The following LRFN2 variants were observed in gnomAD, a reference collection of about 807,000 sequenced individuals.
LRFN2 encodes leucine rich repeat and fibronectin type III domain containing 2.
LRFN2 carries 18 observed loss-of-function variants against 37.3 expected under a neutral mutation model. The ratio of observed to expected loss-of-function variants is 0.48; its 90% CI spans 0.33 to 0.72. The LOEUF is 0.72. LRFN2 is among the 30% of genes least tolerant of loss of function. The probability of loss-of-function intolerance (pLI) is 0.02; values close to 1 mark genes in which losing one functional copy is unlikely to be tolerated. For missense variants in LRFN2, 1,006 were observed against 1,060.7 expected (o/e 0.95, Z 0.72); for synonymous variants, 556 against 466.6 (o/e 1.19, Z -2.47).
chr6:40,555,623 T>C (rs1766860587), intron 1 of LRFN2, among the ~76,000 whole-genome samples: 1 of 152,060 alleles, frequency 6.6e-6, no homozygotes, highest in African/African-American at 2.4e-5. Context: ...CAGCCCCACA[T>C]CCTTGCTTGC....
chr6:40,514,904 C>T (rs534968402), intron 1 of LRFN2, among the ~76,000 whole-genome samples: 29 of 152,290 alleles, frequency 1.9e-4, no homozygotes, highest in African/African-American at 7.0e-4. Flanking sequence ...AGCACCCCCT[C>T]TTATGCTGCC....
At chr6:40,443,231 A>G (rs1306497706) in intron 1 of LRFN2, among the ~76,000 whole-genome samples, 1 of 152,180 alleles carries the variant, frequency 6.6e-6, no homozygotes, top group Non-Finnish European at 1.5e-5. Flanking sequence ...ATAGGAAACC[A>G]AGATACACAG....
chr6:40,518,788 G>T (rs994689123), intron 1 of LRFN2, among the ~76,000 whole-genome samples: 4 of 152,176 alleles, frequency 2.6e-5, no homozygotes, highest in Non-Finnish European at 5.9e-5. Flanking sequence ...CATGGCTTCT[G>T]CCCTGGAAGG....
intron 1 of LRFN2, among the ~76,000 whole-genome samples, chr6:40,531,106 C>A (rs576513073): frequency 1.3e-5 from 2 of 152,194 alleles, no homozygotes; most frequent in Non-Finnish European, 2.9e-5. Flanking sequence ...CAAAACTCAT[C>A]CCTCATGCTC....
chr6:40,566,428 T>C (rs1386143397), intron 1 of LRFN2, among the ~76,000 whole-genome samples: 4 of 152,218 alleles, frequency 2.6e-5, no homozygotes, highest in Non-Finnish European at 5.9e-5. Context: ...TAAAGACACA[T>C]GCACACGTAT....
chr6:40,410,502 C>T (rs1032522078), intron 2 of LRFN2, among the ~76,000 whole-genome samples: 6 of 152,112 alleles, frequency 3.9e-5, no homozygotes, highest in Non-Finnish European at 7.3e-5. Flanking sequence ...CTTAACTTTC[C>T]GTAGCTTTTG....
intron 1 of LRFN2, among the ~76,000 whole-genome samples, chr6:40,586,131 C>T (rs1193770367): frequency 6.6e-6 from 1 of 152,148 alleles, no homozygotes; most frequent in African/African-American, 2.4e-5. Flanking sequence ...TTGTACCGGG[C>T]TGATGGGAAG....
Position 40,405,509 on chromosome 6 carries a change from C to T in LRFN2, c.1401-12597G>A, listed in dbSNP as rs537178606. Among the ~76,000 whole-genome samples the T allele has an allele frequency of 1.2e-4, 18 of 152,268 alleles. No homozygotes were observed. The South Asian group carries it at 2.1e-3, about 18-fold the overall frequency. ...TCAGTGCCCGGCACAGAGTAAGCCC[C>T]GCATGAGGGTCTGTTACATAAAGGA... On this transcript the variant is annotated intron_variant, in intron 2 of 2. Transcript: ENST00000338305.
intron 1 of LRFN2, chr6:40,523,687 A>G (rs116061515): frequency 0.016 from 2,437 of 152,240 alleles, 22 homozygotes; most frequent in Non-Finnish European, 0.023. Context: ...AAGTTCTATC[A>G]TTGGCCCTGT....
At chr6:40,527,260 C>A (rs1470443290) in intron 1 of LRFN2, among the ~76,000 whole-genome samples, 2 of 152,202 alleles carry the variant, frequency 1.3e-5, no homozygotes, top group Admixed American at 1.3e-4. Context: ...CCTTCTCTAA[C>A]AATGCATTCC....
intron 1 of LRFN2, among the ~76,000 whole-genome samples, chr6:40,543,713 G>A (rs1017339804): frequency 6.6e-6 from 1 of 152,224 alleles, no homozygotes; most frequent in Non-Finnish European, 1.5e-5. Flanking sequence ...GGCACTGGGG[G>A]CTTCCCTTGC....
chr6:40,570,334 T>G (rs954729763), intron 1 of LRFN2, among the ~76,000 whole-genome samples: 1 of 152,182 alleles, frequency 6.6e-6, no homozygotes, highest in Admixed American at 6.5e-5. Context: ...CTAAGTGCTT[T>G]ACATATATTA....
chr6:40,469,894 C>G (rs1381698599), intron 1 of LRFN2, among the ~76,000 whole-genome samples: 1 of 152,226 alleles, frequency 6.6e-6, no homozygotes, highest in African/African-American at 2.4e-5. Context: ...TGTAAACCAT[C>G]ACTTTACTCA....
chr6:40,449,712 T>G (rs1764058416), intron 1 of LRFN2, among the ~76,000 whole-genome samples: 1 of 152,232 alleles, frequency 6.6e-6, no homozygotes, highest in African/African-American at 2.4e-5. Context: ...CTGTTTTAAA[T>G]AGTTTAAGAC....
intron 2 of LRFN2, among the ~76,000 whole-genome samples, chr6:40,402,789 C>T (rs1198814321): frequency 6.6e-6 from 1 of 152,220 alleles, no homozygotes; most frequent in Non-Finnish European, 1.5e-5. Context: ...GTTAACTGAA[C>T]TGCCCTGGGC....
intron 1 of LRFN2, among the ~76,000 whole-genome samples, chr6:40,563,968 C>A (rs963316938): frequency 4.6e-5 from 7 of 152,196 alleles, no homozygotes; most frequent in Admixed American, 3.3e-4. Flanking sequence ...CACTTACCAA[C>A]CGTGGTCCAG....
intron 1 of LRFN2, among the ~76,000 whole-genome samples, chr6:40,435,068 G>T (rs1285176518): frequency 2.4e-4 from 32 of 134,838 alleles, no homozygotes; most frequent in African/African-American, 8.1e-4. Flanking sequence ...GAGAGAGAGA[G>T]AGAGAGAGAG....
intron 1 of LRFN2, among the ~76,000 whole-genome samples, chr6:40,494,782 C>A (rs1472513392): frequency 1.3e-5 from 2 of 152,204 alleles, no homozygotes; most frequent in South Asian, 2.1e-4. Flanking sequence ...ACTCTCTACT[C>A]CTATGCCAAA....
At chr6:40,513,729 G>C (rs751810939) in intron 1 of LRFN2, among the ~76,000 whole-genome samples, 3 of 152,186 alleles carry the variant, frequency 2.0e-5, no homozygotes. Context: ...CAGAAAAGGG[G>C]AATAGGGAGC....
Sources: allele counts gnomAD v4.1 joint callset (sites outside exome capture counted in the v4.1 genomes callset), GRCh38; gene constraint gnomAD v4.1.1; transcripts MANE v1.5; gene names NCBI Gene and HGNC (gene_info 2026-07-23, HGNC 2026-07-21).